PRSS33: variants seen among roughly 807,000 people sequenced by gnomAD.
PRSS33 encodes serine protease 33, also known as protease, serine 33.
Under a neutral mutation model 26.7 loss-of-function variants are expected in PRSS33, and 32 were observed. That is an observed-to-expected ratio of 1.20 (90% confidence interval 0.90 to 1.61). The LOEUF (loss-of-function observed/expected upper bound fraction) is 1.61. PRSS33 is among the 40% of genes most tolerant of loss of function. PRSS33 has a pLI of 0.00. For missense variants in PRSS33, 450 were observed against 396.3 expected, an observed-to-expected ratio of 1.14 and a Z score of -1.15; for synonymous variants, 192 against 177.6, an observed-to-expected ratio of 1.08 and a Z score of -0.64.
chr16:2,784,575 G>A lies in PRSS33; in HGVS notation c.*69C>T. 6.8e-7 allele frequency: 1 copy of A among 1,460,052 alleles called. No homozygotes were observed. The highest frequency in any genetic ancestry group is 1.3e-5 in the South Asian group (1 of 74,934). The allele number at this position is 1,460,052 out of a possible 1,614,324, so 90.4% of individuals were successfully genotyped here. A position where few individuals can be genotyped will look rare whatever the true frequency, so the allele number is the denominator to read the frequency against. On this transcript the variant is annotated 3_prime_UTR_variant, in exon 7 of 7. Coordinates refer to ENST00000682474, the MANE Select transcript of PRSS33 (RefSeq NM_152891.3). ...GCAGAAGGGATGTGGGGTATAGGCAGGTGCCTGGATGAACCAGGAGGCTGA... is the reference window on the plus strand; with the variant it reads ...GCAGAAGGGATGTGGGGTATAGGCAAGTGCCTGGATGAACCAGGAGGCTGA...
At position 2,784,559 on chromosome 16, in the gene PRSS33, A is replaced by G. The variant is rs534176809; in HGVS notation, c.*85T>C. 1.5e-6 allele frequency: 2 copies of G among 1,349,576 alleles called. No homozygotes were observed. Among genetic ancestry groups the G allele is most frequent in the Middle Eastern group, 2.5e-4 (1 of 3,940 alleles). The allele number at this position is 1,349,576 out of a possible 1,614,324, so 83.6% of individuals were successfully genotyped here. On this transcript the variant is annotated 3_prime_UTR_variant, in exon 7 of 7. Coordinates refer to ENST00000682474, the MANE Select transcript of PRSS33 (RefSeq NM_152891.3). The stretch of plus-strand genomic sequence containing the variant: ...GCATCTTGGCCTCGAGGCAGAAGGG[A>G]TGTGGGGTATAGGCAGGTGCCTGGA...
At chr16:2,785,194 T>C in intron 5 of PRSS33, 23 bp from the exon 6 acceptor site, 1 of 1,524,268 alleles carries the variant, frequency 6.6e-7, no homozygotes, top group Non-Finnish European at 8.8e-7. Context: ...GAGGGACCTC[T>C]GAGAGGAAGG....
Position 2,785,286 on chromosome 16 carries a change from T to C in PRSS33, c.514+89A>G, listed in dbSNP as rs757238975. On this transcript the variant is annotated intron_variant, in intron 5 of 6. Transcript: ENST00000682474. The stretch of plus-strand genomic sequence containing the variant: ...CCTAGAAGCCGCGCTGGGTCCTGGA[T>C]TGGGGCAGTGAGGGGCTGGGATTTC... 15 of 1,450,148 alleles carry C rather than the reference T, an allele frequency of 1.0e-5. No homozygotes were observed. The East Asian group carries it at 2.4e-4, about 23-fold the overall frequency. 89.8% of individuals were successfully genotyped at this position (1,450,148 alleles called of 1,614,324 possible). A position where few individuals can be genotyped will look rare whatever the true frequency, so the allele number is the denominator to read the frequency against.
chr16:2,785,204 G>A, intron 5 of PRSS33, 33 bp from the exon 6 acceptor site: 2 of 1,515,200 alleles, frequency 1.3e-6, no homozygotes, highest in South Asian at 2.4e-5. Flanking sequence ...TGAGAGGAAG[G>A]CGTGGAGCGG....
chr16:2,785,867 C>G lies in PRSS33; in HGVS notation c.174G>C (p.Gly58=), dbSNP rs1596305953. The G allele has an allele frequency of 6.2e-7, 1 of 1,609,720 alleles. No individual in the cohort carries two copies. Among genetic ancestry groups the G allele is most frequent in the Non-Finnish European group, 8.5e-7 (1 of 1,179,084 alleles). ...TGAGCGACCCCCCGCACACGTGTGC[C>G]CCACGATGCTGGATGCTCGCCTGCC... ...WPWQASIQHR[G]AHVCGGSLIA... is the part of the protein sequence containing the mutation. The change falls in exon 4 of 7, where the codon GGG becomes GGC. Residue 58 remains glycine (G), a synonymous_variant. Coordinates refer to ENST00000682474, the MANE Select transcript of PRSS33 (RefSeq NM_152891.3).
rs558072704 is a variant in PRSS33 at position 2,784,477 on chromosome 16, G to A, written c.*167C>T. 66 of 563,870 alleles carry A rather than the reference G, an allele frequency of 1.2e-4. No individual in the cohort carries two copies. In the South Asian group the frequency reaches 1.4e-3, roughly 12 times the overall value. 34.9% of individuals were successfully genotyped at this position (563,870 alleles called of 1,614,324 possible). A position where few individuals can be genotyped will look rare whatever the true frequency, so the allele number is the denominator to read the frequency against. On this transcript the variant is annotated 3_prime_UTR_variant, in exon 7 of 7. Transcript: ENST00000682474. Reference sequence around the variant, plus strand: ...GGAGTCAGAGCTGGTGATCCCCAAAGAGGAGAGGAGGCAGGAGGTGGTGGG... The same window carrying A: ...GGAGTCAGAGCTGGTGATCCCCAAAAAGGAGAGGAGGCAGGAGGTGGTGGG...
At chr16:2,786,143 G>A in intron 2 of PRSS33, 22 bp from the exon 3 acceptor site, 1 of 1,608,138 alleles carries the variant, frequency 6.2e-7, no homozygotes, top group Non-Finnish European at 8.5e-7. Flanking sequence ...AGCAGGGAAG[G>A]GACCAGATTA....
In PRSS33 at chr16:2,786,601, T is replaced by C; in HGVS notation, c.-54A>G. ...GTGGCACTGCCTAGGGCTTGGACTC[T>C]GGTCTGGAGCCAGCAGGGAGAAGAG... is the stretch of plus-strand genomic sequence containing the variant. On this transcript the variant is annotated 5_prime_UTR_variant, in exon 2 of 7. Coordinates refer to ENST00000682474, the MANE Select transcript of PRSS33 (RefSeq NM_152891.3). 1 of 1,603,462 alleles carries C rather than the reference T, an allele frequency of 6.2e-7. No homozygotes were observed. The highest frequency in any genetic ancestry group is 1.1e-5 in the South Asian group (1 of 90,492).
chr16:2,784,036 G>A lies in PRSS33; in HGVS notation c.*608C>T, dbSNP rs570749368. On this transcript the variant is annotated 3_prime_UTR_variant, in exon 7 of 7. Coordinates refer to ENST00000682474, the MANE Select transcript of PRSS33 (RefSeq NM_152891.3). The stretch of plus-strand genomic sequence containing the variant: ...AGGTTCTCTGCTTAGGGTCTCTTTA[G>A]GTTGAAATGAAGGGATTGGCCGGCG... 1.4e-4 allele frequency: 21 copies of A among 152,478 alleles called. No homozygotes were observed. Among genetic ancestry groups the A allele is most frequent in the African/African-American group, 4.8e-4 (20 of 41,584 alleles). The allele number at this position is 152,478 out of a possible 1,614,324, so 9.4% of individuals were successfully genotyped here.
chr16:2,786,540 C>T lies in PRSS33; in HGVS notation c.8G>A (p.Gly3Glu). 1.9e-6 allele frequency: 3 copies of T among 1,613,372 alleles called. No individual in the cohort carries two copies. The highest frequency in any genetic ancestry group is 1.7e-6 in the Non-Finnish European group (2 of 1,179,730). ...GAGCAGGACCTGGAGACAGGAAACC[C>T]CTCTCATTCTGTCTTCAAGGCTGGG... MR[G>E]VSCLQVLLLL... Residue 3 changes from glycine to glutamate, a missense_variant, in exon 2 of 7, where the codon GGG (glycine) becomes GAG (glutamate). By Grantham distance (98) the Gly-to-Glu change is moderately conservative. Coordinates refer to ENST00000682474, the MANE Select transcript of PRSS33 (RefSeq NM_152891.3).
intron 2 of PRSS33, 82 bp downstream of exon 2, chr16:2,786,420 C>T: frequency 6.5e-7 from 1 of 1,547,636 alleles, no homozygotes; most frequent in East Asian, 2.3e-5. Context: ...CTCCAGGGAG[C>T]CCGGCCCAGG....
chr16:2,786,094 G>A lies in PRSS33; in HGVS notation c.74C>T (p.Ser25Phe), dbSNP rs1308842238. The change falls in exon 3 of 7, where the codon TCT becomes TTT. Residue 25 changes from serine (S) to phenylalanine (F), a missense_variant. By Grantham distance (155) the Ser-to-Phe change is radical. Coordinates refer to ENST00000682474, the MANE Select transcript of PRSS33 (RefSeq NM_152891.3). ...LGAAGTQGRK[S>F]AACGQPRMSS... ...GGACTCCGAGGCTTCCTCACCTGCA[G>A]ACTTCCTTCCCTGAGTCCCAGCAGC... 3 of 1,613,458 alleles carry A rather than the reference G, an allele frequency of 1.9e-6. No homozygotes were observed. Among genetic ancestry groups the A allele is most frequent in the Non-Finnish European group, 2.5e-6 (3 of 1,179,810 alleles).
upstream of PRSS33, among the ~76,000 whole-genome samples, chr16:2,787,660 AC>A (rs1399214042): frequency 5.9e-5 from 9 of 151,532 alleles, no homozygotes; most frequent in African/African-American, 2.2e-4. Context: ...GCTTTACCGG[AC>A]CAGCCTCAAA....
intron 1 of PRSS33, chr16:2,786,841 C>A (rs2068879205): frequency 3.3e-6 from 1 of 306,712 alleles, no homozygotes; most frequent in Admixed American, 4.8e-5. Flanking sequence ...GCCTAACCCC[C>A]CTCGGTCATC....
chr16:2,787,708 A>G (rs1221677748), upstream of PRSS33, among the ~76,000 whole-genome samples: 2 of 151,846 alleles, frequency 1.3e-5, no homozygotes. Flanking sequence ...AGGTGGCAGG[A>G]AAGGGTCAAT....
chr16:2,785,717 A>G lies in PRSS33; in HGVS notation c.243-71T>C, dbSNP rs977782592. 1.6e-5 allele frequency: 24 copies of G among 1,476,632 alleles called. 1 individual carries two copies. Among genetic ancestry groups the G allele is most frequent in the African/African-American group, 9.9e-5 (7 of 70,950 alleles). 91.5% of individuals were successfully genotyped at this position (1,476,632 alleles called of 1,614,324 possible). A position where few individuals can be genotyped will look rare whatever the true frequency, so the allele number is the denominator to read the frequency against. The stretch of plus-strand genomic sequence containing the variant: ...CCCCCTCCAGCCCGCCTCGACCCCA[A>G]CGCCTCTGCCAGGCCACGCCCGGTC... On this transcript the variant is annotated intron_variant, in intron 4 of 6. Coordinates refer to ENST00000682474, the MANE Select transcript of PRSS33 (RefSeq NM_152891.3).
chr16:2,784,374 A>C lies in PRSS33; in HGVS notation c.*270T>G. The C allele has an allele frequency of 6.0e-6, 2 of 335,664 alleles. No homozygotes were observed. The highest frequency in any genetic ancestry group is 2.1e-5 in the African/African-American group (1 of 47,354). 20.8% of individuals were successfully genotyped at this position (335,664 alleles called of 1,614,324 possible). Reference sequence around the variant, plus strand: ...CGCCCAGCCCTGGCCAGGGCCAAGAAAAGTAAATACAAGCCAGGAAGGGAG... The same window carrying C: ...CGCCCAGCCCTGGCCAGGGCCAAGACAAGTAAATACAAGCCAGGAAGGGAG... On this transcript the variant is annotated 3_prime_UTR_variant, in exon 7 of 7. Transcript: ENST00000682474.
rs770131774 is a variant in PRSS33, at chr16:2,785,923, C to A, written c.118G>T (p.Gly40Cys). 6.2e-7 allele frequency: 1 copy of A among 1,612,342 alleles called. No individual in the cohort carries two copies. The highest frequency in any genetic ancestry group is 1.1e-5 in the South Asian group (1 of 91,022). ...QPRMSSRIVG[G>C]RDGRDGEWPW... ...CACTCTCCGTCCCGGCCATCCCGGC[C>A]CCCAACGATCCGACTGGACATGCGG... The change falls in exon 4 of 7, where the codon GGC (glycine) becomes TGC (cysteine). Residue 40 changes from glycine to cysteine, a missense_variant. Physicochemically the swap from Gly to Cys is radical, Grantham distance 159. Transcript: ENST00000682474.
chr16:2,786,703 G>T (rs1216922389), intron 1 of PRSS33, 99 bp from the exon 2 acceptor site: 1 of 785,398 alleles, frequency 1.3e-6, no homozygotes, highest in Non-Finnish European at 2.0e-6. Context: ...TCTGTCCTCA[G>T]CTCCTGGTGG....
Sources: gnomAD v4.1 joint callset for allele counts (sites outside exome capture counted in the v4.1 genomes callset) on GRCh38, gnomAD v4.1.1 for gene constraint, MANE v1.5 for transcripts, NCBI Gene and HGNC (gene_info 2026-07-23, HGNC 2026-07-21) for gene names.